The following MTHFD2L variants were observed in gnomAD, a reference collection of about 807,000 sequenced individuals.
MTHFD2L encodes methylenetetrahydrofolate dehydrogenase (NADP+ dependent) 2 like.
In MTHFD2L, 29 loss-of-function variants were observed where a neutral mutation model predicts 34.9. That is an observed-to-expected ratio of 0.83 (90% CI 0.62 to 1.13). MTHFD2L has a LOEUF of 1.13. Ranked by LOEUF, MTHFD2L falls within the 50% of genes most tolerant of loss-of-function variation. MTHFD2L has a pLI of 0.00. For missense variants in MTHFD2L, 481 were observed against 446.5 expected (o/e 1.08, Z -0.70); for synonymous variants, 167 against 155.7 (o/e 1.07, Z -0.54).
intron 6 of MTHFD2L, among the ~76,000 whole-genome samples, chr4:74,229,681 C>T (rs922436439): frequency 6.6e-6 from 1 of 152,064 alleles, no homozygotes; most frequent in Non-Finnish European, 1.5e-5. Flanking sequence ...TAGTACTACT[C>T]CTACTGGCTT....
chr4:74,235,118 T>A (rs1402028461), intron 6 of MTHFD2L, among the ~76,000 whole-genome samples: 2 of 152,118 alleles, frequency 1.3e-5, no homozygotes, highest in Non-Finnish European at 2.9e-5. Flanking sequence ...AAACCAGATA[T>A]CATAATAAAT....
chr4:74,269,021 GA>G (rs1466868073), intron 6 of MTHFD2L, among the ~76,000 whole-genome samples: 1 of 152,094 alleles, frequency 6.6e-6, no homozygotes, highest in Non-Finnish European at 1.5e-5. Context: ...CCCTTGATGA[GA>G]AAGACATAAG....
chr4:74,123,090 A>C (rs1455618334), upstream of MTHFD2L, among the ~76,000 whole-genome samples: 1 of 152,178 alleles, frequency 6.6e-6, no homozygotes, highest in African/African-American at 2.4e-5. Context: ...AATCAGGTTA[A>C]ATTTTAAGCA....
chr4:74,124,757 C>T (rs1721955395), upstream of MTHFD2L, among the ~76,000 whole-genome samples: 1 of 152,058 alleles, frequency 6.6e-6, no homozygotes, highest in African/African-American at 2.4e-5. Context: ...TACCACAATG[C>T]CAGTGCATGA....
chr4:74,206,735 T>G (rs1319169218), intron 5 of MTHFD2L, among the ~76,000 whole-genome samples: 1 of 152,154 alleles, frequency 6.6e-6, no homozygotes, highest in Non-Finnish European at 1.5e-5. Context: ...TTTAGCATAG[T>G]GTCTTTATTT....
intron 7 of MTHFD2L, among the ~76,000 whole-genome samples, chr4:74,300,326 C>G (rs1750140403): frequency 6.6e-6 from 1 of 151,878 alleles, no homozygotes; most frequent in African/African-American, 2.4e-5. Flanking sequence ...TGCTTTTCCT[C>G]AGATTTAAAA....
intron 1 of MTHFD2L, among the ~76,000 whole-genome samples, chr4:74,139,691 A>G (rs986321321): frequency 1.3e-5 from 2 of 152,008 alleles, no homozygotes; most frequent in Non-Finnish European, 2.9e-5. Context: ...CTGGGAACTA[A>G]CTCATTCTCA....
chr4:74,297,771 C>CT (rs201200248), intron 7 of MTHFD2L, among the ~76,000 whole-genome samples: 1 of 152,180 alleles, frequency 6.6e-6, no homozygotes, highest in African/African-American at 2.4e-5. Flanking sequence ...GAATTTAACT[C>CT]TTTCTCACAT....
At chr4:74,278,673 G>T (rs1001215017) in intron 6 of MTHFD2L, among the ~76,000 whole-genome samples, 4 of 151,994 alleles carry the variant, frequency 2.6e-5, no homozygotes, top group Non-Finnish European at 5.9e-5. Context: ...TATGGTTCTT[G>T]TATCCTTCAG....
intron 5 of MTHFD2L, among the ~76,000 whole-genome samples, chr4:74,218,250 A>T (rs7678292): frequency 0.65 from 98,310 of 151,968 alleles, 33,924 homozygotes; most frequent in Middle Eastern, 0.8. Context: ...CAGAAGAATC[A>T]TGTTTTCAGT....
chr4:74,254,853 G>C (rs1487150602), intron 6 of MTHFD2L, among the ~76,000 whole-genome samples: 3 of 151,920 alleles, frequency 2.0e-5, no homozygotes, highest in Non-Finnish European at 4.4e-5. Flanking sequence ...TTAGTTAATT[G>C]GCTGGGCGCA....
At chr4:74,172,682 T>C (rs572946220) in intron 1 of MTHFD2L, among the ~76,000 whole-genome samples, 102 of 152,278 alleles carry the variant, frequency 6.7e-4, no homozygotes, top group Non-Finnish European at 1.3e-3. Context: ...AATTCTGAAT[T>C]GTAGATGTGG....
chr4:74,130,060 C>A (rs1004643747), intron 1 of MTHFD2L, among the ~76,000 whole-genome samples: 21 of 152,128 alleles, frequency 1.4e-4, no homozygotes, highest in Non-Finnish European at 2.5e-4. Context: ...CCTGAATAGA[C>A]CAATAACAAG....
intron 6 of MTHFD2L, among the ~76,000 whole-genome samples, chr4:74,230,225 A>C (rs573555656): frequency 6.6e-6 from 1 of 152,322 alleles, no homozygotes; most frequent in Non-Finnish European, 1.5e-5. Flanking sequence ...ATATTTATTC[A>C]TGAAAGAGTA....
chr4:74,143,101 A>G (rs1723375582), intron 1 of MTHFD2L, among the ~76,000 whole-genome samples: 1 of 149,934 alleles, frequency 6.7e-6, no homozygotes, highest in Non-Finnish European at 1.5e-5. Context: ...CTGTCTATAT[A>G]TTACCAGCAT....
At chr4:74,154,627 T>C (rs1334559811), upstream of MTHFD2L, among the ~76,000 whole-genome samples, 4 of 152,068 alleles carry the variant, frequency 2.6e-5, no homozygotes. Context: ...TCCCCATCAA[T>C]GTGGGATTTA....
chr4:74,267,907 C>G (rs1402182897), intron 6 of MTHFD2L: 3 of 985,160 alleles, frequency 3.0e-6, no homozygotes, highest in Non-Finnish European at 3.6e-6. Flanking sequence ...CAGAGCAGAG[C>G]CCTACTGGCC....
At chr4:74,263,089 A>G (rs914184564) in intron 6 of MTHFD2L, among the ~76,000 whole-genome samples, 2 of 151,680 alleles carry the variant, frequency 1.3e-5, no homozygotes, top group African/African-American at 2.4e-5. Context: ...ATGTAATCCT[A>G]TATATATATG....
chr4:74,257,160 T>G (rs1280731654), intron 6 of MTHFD2L, among the ~76,000 whole-genome samples: 1 of 152,196 alleles, frequency 6.6e-6, no homozygotes, highest in Non-Finnish European at 1.5e-5. Context: ...TAATTCTCTT[T>G]GTAGAGCTCT....
Sources: gnomAD v4.1 joint callset for allele counts (sites outside exome capture counted in the v4.1 genomes callset) on GRCh38, gnomAD v4.1.1 for gene constraint, MANE v1.5 for transcripts, NCBI Gene and HGNC (gene_info 2026-07-23, HGNC 2026-07-21) for gene names.